Variants in GAS7 observed in about 807,000 individuals in gnomAD.
GAS7 encodes growth arrest specific 7, also known as growth arrest-specific protein 7.
Under a neutral mutation model 71.1 loss-of-function variants are expected in GAS7, and 28 were observed. That is an observed-to-expected ratio of 0.39 (90% CI 0.29 to 0.54). The LOEUF is 0.54. GAS7 is among the 20% of genes least tolerant of loss of function. The pLI, the probability that GAS7 is intolerant of heterozygous loss-of-function variation, is 0.62. For synonymous variants in GAS7, 258 were observed against 245.8 expected (o/e 1.05, Z -0.46); for missense variants, 436 against 627.8 (o/e 0.69, Z 3.27).
In GAS7 at chr17:10,072,022, C is replaced by A. The variant is rs906618033; in HGVS notation, c.184-52125G>T. 2.0e-5 allele frequency among the ~76,000 whole-genome samples: 3 copies of A among 151,998 alleles called. No individual in the cohort carries two copies. The South Asian group carries it at 6.2e-4, about 31-fold the overall frequency. On this transcript the variant is annotated intron_variant, in intron 1 of 13. Coordinates refer to ENST00000432992, the MANE Select transcript of GAS7 (RefSeq NM_201433.2). ...AGGTGGACCATACTGCAGGTGCTATCGACAGGATGAGGAGAAATGCTGCCA... is the reference window on the plus strand; with the variant it reads ...AGGTGGACCATACTGCAGGTGCTATAGACAGGATGAGGAGAAATGCTGCCA...
chr17:10,134,164 G>GT (rs2074020427), intron 1 of GAS7, among the ~76,000 whole-genome samples: 1 of 152,074 alleles, frequency 6.6e-6, no homozygotes, highest in South Asian at 2.1e-4. Context: ...CCGAGTAGCT[G>GT]GGACTACAGG....
Position 9,943,205 on chromosome 17 carries a change from G to A in GAS7, c.647C>T (p.Thr216Ile). Residue 216 changes from threonine (T) to isoleucine (I), a missense_variant, in exon 7 of 14, where the codon ACC becomes ATC. Transcript: ENST00000432992. ...ADKKDPQGNG[T>I]VAGFELLLQK... Reference sequence around the variant, plus strand: ...GAGCAGTAGTTCAAACCCAGCCACGGTGCCGTTGCCTTGGGGGTCCTTCTT... The same window carrying A: ...GAGCAGTAGTTCAAACCCAGCCACGATGCCGTTGCCTTGGGGGTCCTTCTT... 1 of 1,611,992 alleles carries A rather than the reference G, an allele frequency of 6.2e-7. No individual in the cohort carries two copies. Among genetic ancestry groups the A allele is most frequent in the Non-Finnish European group, 8.5e-7 (1 of 1,178,040 alleles).
chr17:10,152,381 G>A (rs948353766), intron 1 of GAS7, among the ~76,000 whole-genome samples: 7 of 152,160 alleles, frequency 4.6e-5, no homozygotes, highest in Admixed American at 3.3e-4. Context: ...GCATGCAGGC[G>A]GAACACAGAA....
chr17:10,064,671 G>A (rs188684320), intron 1 of GAS7, among the ~76,000 whole-genome samples: 1 of 152,348 alleles, frequency 6.6e-6, no homozygotes, highest in East Asian at 1.9e-4. Flanking sequence ...AAGTCTCACT[G>A]AGAATGGAGC....
chr17:10,096,999 A>T (rs2073647387), intron 1 of GAS7, among the ~76,000 whole-genome samples: 1 of 152,204 alleles, frequency 6.6e-6, no homozygotes, highest in African/African-American at 2.4e-5. Flanking sequence ...TCTAAATCAA[A>T]AACACAACAA....
intron 11 of GAS7, 53 bp downstream of exon 11, chr17:9,925,423 T>C: frequency 1.3e-6 from 2 of 1,594,450 alleles, no homozygotes; most frequent in South Asian, 1.1e-5. Context: ...CCTAGCCCCG[T>C]GCCCTCTCCT....
intron 1 of GAS7, among the ~76,000 whole-genome samples, chr17:10,142,641 C>T (rs1453790596): frequency 6.6e-6 from 1 of 152,158 alleles, no homozygotes; most frequent in Non-Finnish European, 1.5e-5. Context: ...CATGAGCCAC[C>T]GTGCCTGGCC....
chr17:10,102,660 A>G (rs2073715052), intron 1 of GAS7, among the ~76,000 whole-genome samples: 1 of 152,048 alleles, frequency 6.6e-6, no homozygotes, highest in African/African-American at 2.4e-5. Flanking sequence ...CATCTGAATT[A>G]CCAGAGGAGA....
intron 2 of GAS7, among the ~76,000 whole-genome samples, chr17:10,006,822 C>T (rs1047659462): frequency 2.6e-5 from 4 of 152,144 alleles, no homozygotes; most frequent in Non-Finnish European, 5.9e-5. Flanking sequence ...AAGTCAGCCA[C>T]GCTGATGACA....
chr17:10,163,284 A>AT (rs565818055), intron 1 of GAS7, among the ~76,000 whole-genome samples: 1 of 151,620 alleles, frequency 6.6e-6, no homozygotes, highest in African/African-American at 2.4e-5. Flanking sequence ...TAATTTTTGT[A>AT]TTTTTTTAGT....
At chr17:10,110,234 T>C (rs771339657) in intron 1 of GAS7, among the ~76,000 whole-genome samples, 8 of 152,052 alleles carry the variant, frequency 5.3e-5, no homozygotes, top group Non-Finnish European at 1.2e-4. Context: ...AAAGAAATCA[T>C]GTCATTAGCA....
chr17:10,197,332 CTG>C (rs1270865598), intron 1 of GAS7, among the ~76,000 whole-genome samples: 1 of 152,186 alleles, frequency 6.6e-6, no homozygotes, highest in Non-Finnish European at 1.5e-5. Flanking sequence ...TTGAAGGTAA[CTG>C]TTAATTTAGT....
chr17:9,965,184 A>T (rs989595407), intron 4 of GAS7, among the ~76,000 whole-genome samples: 2 of 152,328 alleles, frequency 1.3e-5, no homozygotes, highest in South Asian at 4.1e-4. Flanking sequence ...GTATACCCAA[A>T]GGAATATAAG....
At chr17:10,102,205 TAAA>T (rs34961542) in intron 1 of GAS7, among the ~76,000 whole-genome samples, 1,237 of 70,252 alleles carry the variant, frequency 0.018, 14 homozygotes, top group African/African-American at 0.046. Context: ...AGAGTGCCCG[TAAA>T]AAAAAAAAAA....
chr17:10,031,472 T>C (rs143458533), intron 1 of GAS7, among the ~76,000 whole-genome samples: 1 of 152,338 alleles, frequency 6.6e-6, no homozygotes, highest in Non-Finnish European at 1.5e-5. Flanking sequence ...TCCTGCAAAC[T>C]GCAAGGATGA....
intron 1 of GAS7, among the ~76,000 whole-genome samples, chr17:10,181,047 CGG>C (rs1159321016): frequency 2.5e-5 from 1 of 40,596 alleles, no homozygotes; most frequent in Non-Finnish European, 4.8e-5. Context: ...ATGAGGGTGG[CGG>C]GGGGTGGGGG....
intron 1 of GAS7, among the ~76,000 whole-genome samples, chr17:10,088,904 C>G (rs911832410): frequency 2.0e-5 from 3 of 151,840 alleles, no homozygotes; most frequent in African/African-American, 7.3e-5. Context: ...ATGCCTGCAA[C>G]CCCAGCACTT....
chr17:9,961,607 G>A (rs1276792239), intron 4 of GAS7, among the ~76,000 whole-genome samples: 3 of 152,174 alleles, frequency 2.0e-5, no homozygotes, highest in African/African-American at 4.8e-5. Flanking sequence ...GGTGATGAGG[G>A]GGCTAAGGGG....
At chr17:9,945,443 C>G (rs1567806211) in intron 6 of GAS7, among the ~76,000 whole-genome samples, 1 of 152,090 alleles carries the variant, frequency 6.6e-6, no homozygotes, top group Non-Finnish European at 1.5e-5. Context: ...TTACCCCGCC[C>G]TCTGAGCTCA....
Sources: gnomAD v4.1 joint callset for allele counts (sites outside exome capture counted in the v4.1 genomes callset) on GRCh38, gnomAD v4.1.1 for gene constraint, MANE v1.5 for transcripts, NCBI Gene and HGNC (gene_info 2026-07-23, HGNC 2026-07-21) for gene names.